STX11: variants seen among roughly 807,000 people sequenced by gnomAD.
STX11 encodes syntaxin 11, also known as syntaxin-11.
Under a neutral mutation model 19.9 loss-of-function variants are expected in STX11, and 21 were observed. The observed-to-expected ratio is 1.06, with a 90% CI of 0.75 to 1.52. STX11 has a LOEUF of 1.52. STX11 is among the 40% of genes most tolerant of loss of function. STX11 has a pLI of 0.00. For synonymous variants in STX11, 193 were observed against 174.4 expected (o/e 1.11, Z -0.84); for missense variants, 438 against 405.9 (o/e 1.08, Z -0.68).
rs953041577 is a variant in STX11, at chr6:144,177,940, T to G, written c.-5-8683T>G. ...GACTGTAACAACTGAAGTGTTGCAATGTTGGGGAAACTCTGATATGAAGAA... is the reference window on the plus strand; with the variant it reads ...GACTGTAACAACTGAAGTGTTGCAAGGTTGGGGAAACTCTGATATGAAGAA... On this transcript the variant is annotated intron_variant, in intron 1 of 1. Transcript: ENST00000367568. The surrounding 1 kb of genome is among the most constrained non-coding windows in gnomAD (Gnocchi z 4.4). Among the ~76,000 whole-genome samples the G allele has an allele frequency of 2.0e-5, 3 of 152,190 alleles. No homozygotes were observed. Among genetic ancestry groups the G allele is most frequent in the Non-Finnish European group, 4.4e-5 (3 of 68,034 alleles).
chr6:144,177,707 A>T lies in STX11; in HGVS notation c.-5-8916A>T, dbSNP rs1554293351. ...AAAGGTTGCGGTGAGCCAAGATTGCACCACTGCACTCCAGCCTGGGTGACA... is the reference window on the plus strand; with the variant it reads ...AAAGGTTGCGGTGAGCCAAGATTGCTCCACTGCACTCCAGCCTGGGTGACA... On this transcript the variant is annotated intron_variant, in intron 1 of 1. Coordinates refer to ENST00000367568, the MANE Select transcript of STX11 (RefSeq NM_003764.4). This position sits in a 1 kb window ranked among gnomAD's most constrained non-coding sequence, Gnocchi z 4.4. Among the ~76,000 whole-genome samples the T allele has an allele frequency of 3.3e-5, 5 of 152,154 alleles. No individual in the cohort carries two copies. The highest frequency in any genetic ancestry group is 1.5e-5 in the Non-Finnish European group (1 of 68,014).
intron 1 of STX11, among the ~76,000 whole-genome samples, chr6:144,156,514 T>C (rs1367144398): frequency 6.6e-6 from 1 of 152,224 alleles, no homozygotes. Context: ...GCATAACTTA[T>C]TGTGTAATAA....
chr6:144,158,205 T>C (rs192618932), intron 1 of STX11, among the ~76,000 whole-genome samples: 1 of 152,290 alleles, frequency 6.6e-6, no homozygotes, highest in East Asian at 1.9e-4. Context: ...CCAGAAGTCA[T>C]GGGAACCGTG....
chr6:144,157,637 A>G (rs1243811168), intron 1 of STX11, among the ~76,000 whole-genome samples: 1 of 152,140 alleles, frequency 6.6e-6, no homozygotes, highest in Non-Finnish European at 1.5e-5. Flanking sequence ...CTTAATCCTA[A>G]GAAGATTAGG....
In STX11 at chr6:144,187,598, C is replaced by T; in HGVS notation, c.*107C>T. 1.4e-6 allele frequency: 2 copies of T among 1,462,334 alleles called. No homozygotes were observed. Among genetic ancestry groups the T allele is most frequent in the Admixed American group, 2.0e-5 (1 of 48,864 alleles). The allele number at this position is 1,462,334 out of a possible 1,614,324, so 90.6% of individuals were successfully genotyped here. On this transcript the variant is annotated 3_prime_UTR_variant, in exon 2 of 2. Transcript: ENST00000367568. This position sits in a 1 kb window ranked among gnomAD's most constrained non-coding sequence, Gnocchi z 5.6. Reference sequence around the variant, plus strand: ...TGCAGGGAGTTGCCCCAACCCTTTCCGGAACTCAGTCTTTAGAAAAGAAAC... The same window carrying T: ...TGCAGGGAGTTGCCCCAACCCTTTCTGGAACTCAGTCTTTAGAAAAGAAAC...
At chr6:144,140,254 A>ATATTTTT in the STX11 span, among the ~76,000 whole-genome samples, 3 of 38,902 alleles carry the variant, frequency 7.7e-5, no homozygotes, top group African/African-American at 4.0e-4. Context: ...ATATATATAT[A>ATATTTTT]TTTATTTATT....
At chr6:144,173,662 G>A (rs1478294200) in intron 1 of STX11, among the ~76,000 whole-genome samples, 1 of 152,142 alleles carries the variant, frequency 6.6e-6, no homozygotes, top group Admixed American at 6.6e-5. Context: ...TCTTTGCAGC[G>A]AGATGCAAAA....
Position 144,172,102 on chromosome 6 carries a change from C to T in STX11, c.-5-14521C>T, listed in dbSNP as rs1801656106. On this transcript the variant is annotated intron_variant, in intron 1 of 1. Transcript: ENST00000367568. The surrounding 1 kb of genome is among the most constrained non-coding windows in gnomAD (Gnocchi z 4.2). ...TCCATGTCTTCTTTAAAGAAGAATACACCTTAAGGAGCATGGAGAAACCCA... is the reference window on the plus strand; with the variant it reads ...TCCATGTCTTCTTTAAAGAAGAATATACCTTAAGGAGCATGGAGAAACCCA... Among the ~76,000 whole-genome samples the T allele has an allele frequency of 6.6e-6, 1 of 152,148 alleles. No individual in the cohort carries two copies. Among genetic ancestry groups the T allele is most frequent in the African/African-American group, 2.4e-5 (1 of 41,438 alleles).
rs370302076 is a variant in STX11, at chr6:144,191,932, G to A, written c.*4441G>A. 1.4e-4 allele frequency among the ~76,000 whole-genome samples: 21 copies of A among 152,210 alleles called. No homozygotes were observed. The highest frequency in any genetic ancestry group is 3.4e-4 in the African/African-American group (14 of 41,536). On this transcript the variant is annotated 3_prime_UTR_variant, in exon 2 of 2. Coordinates refer to ENST00000367568, the MANE Select transcript of STX11 (RefSeq NM_003764.4). The stretch of plus-strand genomic sequence containing the variant: ...GTGTCTATTGATAATAAAGATTTTC[G>A]GAACTGATGTTCTGAGTGAGACTAC...
chr6:144,141,345 T>A, the STX11 span, among the ~76,000 whole-genome samples: 3 of 152,210 alleles, frequency 2.0e-5, no homozygotes, highest in Non-Finnish European at 2.9e-5. Context: ...TTTTACTTAA[T>A]TGAAATTTGG....
chr6:144,164,716 A>G (rs1319068784), intron 1 of STX11, among the ~76,000 whole-genome samples: 1 of 152,154 alleles, frequency 6.6e-6, no homozygotes, highest in African/African-American at 2.4e-5. Context: ...TTTTTGAGAC[A>G]GAGTTTTGCT....
the STX11 span, among the ~76,000 whole-genome samples, chr6:144,143,689 T>C: frequency 6.6e-6 from 1 of 152,090 alleles, no homozygotes; most frequent in Admixed American, 6.6e-5. Flanking sequence ...GAATAATCCA[T>C]TCAGATCAGA....
At position 144,191,394 on chromosome 6, in the gene STX11, C is replaced by T. The variant is rs1802205224; in HGVS notation, c.*3903C>T. Among the ~76,000 whole-genome samples the T allele has an allele frequency of 6.6e-6, 1 of 150,962 alleles. No individual in the cohort carries two copies. The highest frequency in any genetic ancestry group is 2.4e-5 in the African/African-American group (1 of 40,894). ...GTAACAACTTAAAAAGAGAACAGTA[C>T]TCTTTTTATATCAATGCCTTTACAT... On this transcript the variant is annotated 3_prime_UTR_variant, in exon 2 of 2. Coordinates refer to ENST00000367568, the MANE Select transcript of STX11 (RefSeq NM_003764.4).
intron 1 of STX11, among the ~76,000 whole-genome samples, chr6:144,178,291 C>T (rs1416025310): frequency 5.9e-5 from 9 of 152,126 alleles, no homozygotes; most frequent in Non-Finnish European, 1.3e-4. Context: ...ATGATAATAC[C>T]TCATAAGGAA....
intron 1 of STX11, among the ~76,000 whole-genome samples, chr6:144,156,004 TTCTTTCTTTC>T (rs1439188629): frequency 1.2e-3 from 126 of 101,624 alleles, no homozygotes; most frequent in African/African-American, 5.7e-3. Flanking sequence ...CTTTCTTTCT[TTCTTTCTTTC>T]TCTCTTTCTC....
Position 144,176,440 on chromosome 6 carries a change from A to C in STX11, c.-5-10183A>C, listed in dbSNP as rs4896703. Among the ~76,000 whole-genome samples, 86,446 of 152,030 alleles carry C rather than the reference A, an allele frequency of 0.57. 27,542 individuals are homozygous for C. Among genetic ancestry groups the C allele is most frequent in the African/African-American group, 0.87 (36,193 of 41,486 alleles). Reference sequence around the variant, plus strand: ...TGTGGTGGATTTTATATCAGTTCTCAAGCACAATGACTGGTTTGGGGTGCA... The same window carrying C: ...TGTGGTGGATTTTATATCAGTTCTCCAGCACAATGACTGGTTTGGGGTGCA... On this transcript the variant is annotated intron_variant, in intron 1 of 1. Transcript: ENST00000367568. This position sits in a 1 kb window ranked among gnomAD's most constrained non-coding sequence, Gnocchi z 4.1.
chr6:144,148,214 C>T (rs1044737115), upstream of STX11, among the ~76,000 whole-genome samples: 2 of 152,196 alleles, frequency 1.3e-5, no homozygotes, highest in Non-Finnish European at 2.9e-5. Flanking sequence ...ACTCCCCACT[C>T]CTAGCCCCAC....
At chr6:144,166,069 A>G (rs1017543877) in intron 1 of STX11, among the ~76,000 whole-genome samples, 1 of 152,206 alleles carries the variant, frequency 6.6e-6, no homozygotes, top group African/African-American at 2.4e-5. Context: ...GTTTGGAAAT[A>G]GTACTTTTAA....
At position 144,188,725 on chromosome 6, in the gene STX11, C is replaced by A. The variant is rs1324903351; in HGVS notation, c.*1234C>A. On this transcript the variant is annotated 3_prime_UTR_variant, in exon 2 of 2. Transcript: ENST00000367568. ...ATTATTGTTAAAATTTTTCTTTTTC[C>A]TTTTTTTTTTTTTTTTTTTGAGATG... 3.4e-5 allele frequency among the ~76,000 whole-genome samples: 4 copies of A among 117,922 alleles called. No individual in the cohort carries two copies. The South Asian group carries it at 1.0e-3, about 30-fold the overall frequency. The allele number at this position is 117,922 out of a possible 152,430, so 77.4% of individuals were successfully genotyped here.
Sources: allele counts gnomAD v4.1 joint callset (sites outside exome capture counted in the v4.1 genomes callset), GRCh38; gene constraint gnomAD v4.1.1; non-coding constraint Gnocchi (gnomAD v3.1); transcripts MANE v1.5; gene names NCBI Gene and HGNC (gene_info 2026-07-23, HGNC 2026-07-21).